MAGI2: variants seen among roughly 807,000 people sequenced by gnomAD.
MAGI2 encodes the protein membrane associated guanylate kinase, WW and PDZ domain containing 2, also known as membrane-associated guanylate kinase, WW and PDZ domain-containing protein 2.
MAGI2 carries 35 observed loss-of-function variants against 133.3 expected under a neutral mutation model. That is an observed-to-expected ratio of 0.26 (90% CI 0.20 to 0.35). The LOEUF (loss-of-function observed/expected upper bound fraction) is 0.35, where lower values mean the gene tolerates loss of function less well. Ranked by LOEUF, MAGI2 falls within the 10% of genes least tolerant of loss-of-function variation. The pLI is 1.00. For missense variants in MAGI2, 1,636 were observed against 1,863.4 expected, an observed-to-expected ratio of 0.88 and a Z score of 2.25; for synonymous variants, 729 against 710.6, an observed-to-expected ratio of 1.03 and a Z score of -0.41.
intron 7 of MAGI2, chr7:78,358,205 A>G (rs1324517991): frequency 3.2e-5 from 1 of 30,770 alleles, no homozygotes; most frequent in Non-Finnish European, 6.2e-5. Context: ...AAATATATAT[A>G]TATATATATA....
rs569314866 is a variant in MAGI2 at position 78,634,380 on chromosome 7, T to C, written c.419-7141A>G. 9.2e-5 allele frequency among the ~76,000 whole-genome samples: 14 copies of C among 152,304 alleles called. 1 individual carries two copies. In the South Asian group the frequency reaches 2.7e-3, roughly 29 times the overall value. On this transcript the variant is annotated intron_variant, in intron 2 of 21. Coordinates refer to ENST00000354212, the MANE Select transcript of MAGI2 (RefSeq NM_012301.4). ...GGTCATTTAATTTTACCTGCAGGCATAGCACCTACAAGAGTCAGAAAGCAT... is the reference window on the plus strand; with the variant it reads ...GGTCATTTAATTTTACCTGCAGGCACAGCACCTACAAGAGTCAGAAAGCAT...
chr7:79,361,889 A>G (rs1467155594), intron 1 of MAGI2, among the ~76,000 whole-genome samples: 1 of 152,160 alleles, frequency 6.6e-6, no homozygotes, highest in South Asian at 2.1e-4. Flanking sequence ...GAAAACAAAA[A>G]CATAACATAT....
At chr7:78,748,155 AT>A (rs1823104439) in intron 2 of MAGI2, among the ~76,000 whole-genome samples, 2 of 16,508 alleles carry the variant, frequency 1.2e-4, no homozygotes, top group South Asian at 1.5e-3. Flanking sequence ...TACCTTGAGG[AT>A]TTAAAAAAAA....
At chr7:78,262,469 CTG>C (rs1237895698) in intron 9 of MAGI2, among the ~76,000 whole-genome samples, 2 of 152,134 alleles carry the variant, frequency 1.3e-5, no homozygotes, top group Non-Finnish European at 2.9e-5. Flanking sequence ...ACCATACACT[CTG>C]TTGTCCTTTT....
At chr7:78,552,813 T>C (rs1310541176) in intron 3 of MAGI2, among the ~76,000 whole-genome samples, 2 of 152,040 alleles carry the variant, frequency 1.3e-5, no homozygotes, top group Non-Finnish European at 2.9e-5. Flanking sequence ...AAGGTTCAAA[T>C]TCTGGGCATT....
chr7:78,580,421 C>T (rs1802715483), intron 3 of MAGI2, among the ~76,000 whole-genome samples: 1 of 152,164 alleles, frequency 6.6e-6, no homozygotes, highest in African/African-American at 2.4e-5. Flanking sequence ...CCATGTAGAA[C>T]AACTCACAAA....
intron 2 of MAGI2, among the ~76,000 whole-genome samples, chr7:78,893,557 A>G (rs1796946963): frequency 6.6e-6 from 1 of 152,168 alleles, no homozygotes; most frequent in African/African-American, 2.4e-5. Context: ...GCCATAAAAA[A>G]TGATGAGTTC....
intron 9 of MAGI2, among the ~76,000 whole-genome samples, chr7:78,290,292 G>T (rs912645917): frequency 6.6e-6 from 1 of 152,078 alleles, no homozygotes; most frequent in Admixed American, 6.6e-5. Context: ...AAAGAGCAGG[G>T]GTTTCAATCC....
At position 79,236,450 on chromosome 7, in the gene MAGI2, G is replaced by A. The variant is rs371583594; in HGVS notation, c.301+216570C>T. 3.3e-5 allele frequency among the ~76,000 whole-genome samples: 5 copies of A among 152,228 alleles called. No homozygotes were observed. In the East Asian group the frequency reaches 9.6e-4, roughly 29 times the overall value. On this transcript the variant is annotated intron_variant, in intron 1 of 21. Transcript: ENST00000354212. ...TCATTGCTCAATAATTGCGTATAAG[G>A]CTGGTTTTATGAAAAAGATTCAAAT...
At chr7:79,166,837 G>C (rs144522977) in intron 1 of MAGI2, among the ~76,000 whole-genome samples, 1 of 151,890 alleles carries the variant, frequency 6.6e-6, no homozygotes, top group East Asian at 1.9e-4. Flanking sequence ...AATAATAGAG[G>C]CTAGTAATAT....
At chr7:79,349,176 A>G (rs996205011) in intron 1 of MAGI2, among the ~76,000 whole-genome samples, 1 of 151,972 alleles carries the variant, frequency 6.6e-6, no homozygotes, top group Admixed American at 6.6e-5. Flanking sequence ...ATCCATAAAA[A>G]TTTATAATTA....
intron 2 of MAGI2, among the ~76,000 whole-genome samples, chr7:78,993,568 A>G (rs1018891505): frequency 5.3e-5 from 8 of 151,996 alleles, no homozygotes; most frequent in African/African-American, 1.7e-4. Context: ...CAGTTTCTCA[A>G]TTAAGTCTTT....
At chr7:78,755,468 C>A (rs1232674856) in intron 2 of MAGI2, among the ~76,000 whole-genome samples, 1 of 152,100 alleles carries the variant, frequency 6.6e-6, no homozygotes, top group Non-Finnish European at 1.5e-5. Flanking sequence ...AGTCTATGGG[C>A]TTAAATACGT....
Position 78,811,931 on chromosome 7 carries a change from G to T in MAGI2, c.419-184692C>A, listed in dbSNP as rs77979537. Reference sequence around the variant, plus strand: ...GAAGTATTCTGGATTACCTGGTTGGGTTGAATCTGGTGACATGAATTCTTA... The same window carrying T: ...GAAGTATTCTGGATTACCTGGTTGGTTTGAATCTGGTGACATGAATTCTTA... On this transcript the variant is annotated intron_variant, in intron 2 of 21. Coordinates refer to ENST00000354212, the MANE Select transcript of MAGI2 (RefSeq NM_012301.4). 6.7e-3 allele frequency among the ~76,000 whole-genome samples: 1,024 copies of T among 152,294 alleles called. 18 individuals carry two copies. The highest frequency in any genetic ancestry group is 0.023 in the African/African-American group (961 of 41,566).
At chr7:78,573,365 A>AAAATATATATATATATATATATATAT (rs1320390413) in intron 3 of MAGI2, among the ~76,000 whole-genome samples, 9 of 29,034 alleles carry the variant, frequency 3.1e-4, no homozygotes, top group African/African-American at 5.5e-4. Flanking sequence ...GAATCCTGGA[A>AAAATATATATATATATATATATATAT]ATATATATAT....
chr7:78,863,494 G>C (rs545952525), intron 2 of MAGI2, among the ~76,000 whole-genome samples: 162 of 152,294 alleles, frequency 1.1e-3, no homozygotes, highest in African/African-American at 3.7e-3. Flanking sequence ...AACTAATCAA[G>C]TGAGCACTCA....
At chr7:78,982,009 T>C (rs1328267533) in intron 2 of MAGI2, among the ~76,000 whole-genome samples, 1 of 151,864 alleles carries the variant, frequency 6.6e-6, no homozygotes, top group Non-Finnish European at 1.5e-5. Context: ...AGTGTCTTAC[T>C]TTACCTTCCC....
chr7:79,263,316 A>G (rs960558378), intron 1 of MAGI2, among the ~76,000 whole-genome samples: 2 of 152,124 alleles, frequency 1.3e-5, no homozygotes, highest in Admixed American at 6.6e-5. Flanking sequence ...GGTAGGCACT[A>G]TAATTAATCC....
At chr7:78,687,911 G>A (rs1335831026) in intron 2 of MAGI2, among the ~76,000 whole-genome samples, 6 of 145,046 alleles carry the variant, frequency 4.1e-5, no homozygotes, top group Admixed American at 2.8e-4. Flanking sequence ...CAGAGGTTGC[G>A]GTGAGCCGAG....
Sources: gnomAD v4.1 joint callset for allele counts (sites outside exome capture counted in the v4.1 genomes callset) on GRCh38, gnomAD v4.1.1 for gene constraint, MANE v1.5 for transcripts, NCBI Gene and HGNC (gene_info 2026-07-23, HGNC 2026-07-21) for gene names.